Variants in PCDHA9 observed in about 807,000 individuals in gnomAD.
PCDHA9 encodes the protein protocadherin alpha 9.
Under a neutral mutation model 62.0 loss-of-function variants are expected in PCDHA9, and 62 were observed. The ratio of observed to expected loss-of-function variants is 1.00; its 90% CI spans 0.81 to 1.23. The LOEUF is 1.23. Ranked by LOEUF, PCDHA9 falls within the 50% of genes most tolerant of loss-of-function variation. The probability of loss-of-function intolerance (pLI) is 0.00; values close to 1 mark genes in which losing one functional copy is unlikely to be tolerated. For missense variants in PCDHA9, 1,205 were observed against 1,249.8 expected, an observed-to-expected ratio of 0.96 and a Z score of 0.54; for synonymous variants, 557 against 567.6, an observed-to-expected ratio of 0.98 and a Z score of 0.27.
At chr5:140,992,416 C>T (rs3776107) in intron 3 of PCDHA9, among the ~76,000 whole-genome samples, 9,821 of 152,168 alleles carry the variant, frequency 0.065, 355 homozygotes, top group East Asian at 0.12. Context: ...TGCCCCAGGT[C>T]TAAGAATATT....
intron 1 of PCDHA9, among the ~76,000 whole-genome samples, chr5:140,891,246 AT>A (rs1213637493): frequency 2.0e-5 from 3 of 151,650 alleles, no homozygotes; most frequent in Non-Finnish European, 4.4e-5. Flanking sequence ...ATTCAGTAGG[AT>A]TTTTTTTAAT....
chr5:140,885,945 TA>T (rs2060787135), intron 1 of PCDHA9, among the ~76,000 whole-genome samples: 1 of 152,206 alleles, frequency 6.6e-6, no homozygotes, highest in Non-Finnish European at 1.5e-5. Flanking sequence ...TTGACATTTT[TA>T]ATTAAAATTT....
chr5:140,882,558 G>T (rs782792864), intron 1 of PCDHA9: 16 of 1,614,130 alleles, frequency 9.9e-6, no homozygotes, highest in Non-Finnish European at 1.1e-5. Flanking sequence ...GAGCTGTGTG[G>T]GCGGAGCGCG....
At chr5:140,870,491 T>C (rs781889223) in intron 1 of PCDHA9, 10 of 1,614,076 alleles carry the variant, frequency 6.2e-6, no homozygotes, top group Non-Finnish European at 8.5e-6. Context: ...ACCGTGTTCG[T>C]GAAGGAGAAC....
intron 1 of PCDHA9, chr5:140,882,120 CT>C (rs2058961361): frequency 6.9e-7 from 1 of 1,449,002 alleles, no homozygotes; most frequent in East Asian, 2.3e-5. Flanking sequence ...GCCGCCGTTT[CT>C]TTCTTCCTGC....
Position 140,882,752 on chromosome 5 carries a change from A to G in PCDHA9, c.2394+31863A>G, listed in dbSNP as rs1457424583. 4 of 1,614,130 alleles carry G rather than the reference A, an allele frequency of 2.5e-6. No individual in the cohort carries two copies. In the East Asian group the frequency reaches 8.9e-5, roughly 36 times the overall value. On this transcript the variant is annotated intron_variant, in intron 1 of 3. Coordinates refer to ENST00000532602, the MANE Select transcript of PCDHA9 (RefSeq NM_031857.2). Reference sequence around the variant, plus strand: ...ACTAGATGGCGCATCCGATGCAGATATTGGAGTAAACTCGGCATTGACCTA... The same window carrying G: ...ACTAGATGGCGCATCCGATGCAGATGTTGGAGTAAACTCGGCATTGACCTA...
chr5:140,922,560 G>A (rs2080886484), intron 1 of PCDHA9, among the ~76,000 whole-genome samples: 4 of 152,146 alleles, frequency 2.6e-5, no homozygotes, highest in Admixed American at 2.6e-4. Flanking sequence ...GAAAAGTCAG[G>A]ATGACAAGTT....
In PCDHA9 at chr5:140,856,941, C is replaced by A. The variant is rs782304851; in HGVS notation, c.2394+6052C>A. The A allele has an allele frequency of 2.5e-6, 4 of 1,592,588 alleles. No homozygotes were observed. The South Asian group carries it at 3.3e-5, about 13-fold the overall frequency. On this transcript the variant is annotated intron_variant, in intron 1 of 3. Coordinates refer to ENST00000532602, the MANE Select transcript of PCDHA9 (RefSeq NM_031857.2). The stretch of plus-strand genomic sequence containing the variant: ...AGGAAATTTTGGATAAACGAAAGGA[C>A]GGGAGAAATAAAAGTAAATGATGCT...
chr5:140,936,054 G>A (rs1198755229), intron 1 of PCDHA9, among the ~76,000 whole-genome samples: 2 of 151,770 alleles, frequency 1.3e-5, no homozygotes, highest in Non-Finnish European at 1.5e-5. Flanking sequence ...CACCACACCC[G>A]GCTAATTTTT....
intron 1 of PCDHA9, among the ~76,000 whole-genome samples, chr5:140,924,902 AAAAT>A (rs1239542905): frequency 0.13 from 4,984 of 38,732 alleles, 244 homozygotes; most frequent in African/African-American, 0.34. Flanking sequence ...CTCAAAAAAA[AAAAT>A]AAAATAAAAT....
At chr5:140,943,500 G>C (rs907493905) in intron 1 of PCDHA9, among the ~76,000 whole-genome samples, 1 of 152,048 alleles carries the variant, frequency 6.6e-6, no homozygotes, top group Admixed American at 6.6e-5. Context: ...TGCTATCAAG[G>C]TTCATGGAAA....
intron 3 of PCDHA9, among the ~76,000 whole-genome samples, chr5:141,006,214 TTA>T (rs2098261511): frequency 6.6e-6 from 1 of 152,046 alleles, no homozygotes; most frequent in South Asian, 2.1e-4. Flanking sequence ...TCATTTTTTT[TTA>T]AATTTTTTAT....
At chr5:140,963,397 G>A (rs1190925238) in intron 1 of PCDHA9, among the ~76,000 whole-genome samples, 1 of 152,160 alleles carries the variant, frequency 6.6e-6, no homozygotes, top group Admixed American at 6.5e-5. Context: ...GCTCCCTACT[G>A]GATGCTGTAG....
chr5:140,882,813 C>T lies in PCDHA9; in HGVS notation c.2394+31924C>T, dbSNP rs782169035. On this transcript the variant is annotated intron_variant, in intron 1 of 3. Transcript: ENST00000532602. ...CCCAACGATTATTTCACTTTGGACG[C>T]ACAAAACAGTCTTGAGCAAATGTCT... 4 of 1,614,176 alleles carry T rather than the reference C, an allele frequency of 2.5e-6. No individual in the cohort carries two copies. The East Asian group carries it at 6.7e-5, about 27-fold the overall frequency.
intron 1 of PCDHA9, among the ~76,000 whole-genome samples, chr5:140,943,705 C>T (rs528361276): frequency 1.6e-4 from 25 of 152,150 alleles, no homozygotes; most frequent in Middle Eastern, 3.4e-3. Context: ...TATTGTGGAA[C>T]ACATTTAAAG....
chr5:140,888,288 C>G (rs1328691042), intron 1 of PCDHA9, among the ~76,000 whole-genome samples: 1 of 152,108 alleles, frequency 6.6e-6, no homozygotes, highest in African/African-American at 2.4e-5. Context: ...CCCTCTACCC[C>G]CTACCCAGGA....
At position 140,850,378 on chromosome 5, in the gene PCDHA9, C is replaced by T. The variant is rs1365314674; in HGVS notation, c.1883C>T (p.Thr628Met). Residue 628 changes from threonine to methionine, a missense_variant, in exon 1 of 4, where the codon ACG (threonine) becomes ATG (methionine). By Grantham distance (81) the Thr-to-Met change is moderately conservative. Coordinates refer to ENST00000532602, the MANE Select transcript of PCDHA9 (RefSeq NM_031857.2). ...ATCCCGTTCCGCGTGGGGCTGTACA[C>T]GGGCGAGATCAGCACAACGCGTGCC... ...ASIPFRVGLY[T>M]GEISTTRALD... is the part of the protein sequence containing the mutation. 6 of 1,597,842 alleles carry T rather than the reference C, an allele frequency of 3.8e-6. 1 individual carries two copies. Among genetic ancestry groups the T allele is most frequent in the Non-Finnish European group, 5.1e-6 (6 of 1,167,692 alleles).
intron 1 of PCDHA9, chr5:140,883,816 G>A (rs1217152310): frequency 1.9e-6 from 3 of 1,612,522 alleles, no homozygotes; most frequent in Non-Finnish European, 2.5e-6. Context: ...AGAGCGGCAA[G>A]GTGTACGCGC....
In PCDHA9 at chr5:140,920,604, G is replaced by A. The variant is rs182788075; in HGVS notation, c.2395-58345G>A. 4.8e-4 allele frequency among the ~76,000 whole-genome samples: 73 copies of A among 152,238 alleles called. No homozygotes were observed. In the East Asian group the frequency reaches 0.011, roughly 22 times the overall value. On this transcript the variant is annotated intron_variant, in intron 1 of 3. Transcript: ENST00000532602. ...CTCACGCCTGTAATCCCAGCACTTT[G>A]GGAGGCCGAGGCGGATGGATCACAA...
Sources: allele counts gnomAD v4.1 joint callset (sites outside exome capture counted in the v4.1 genomes callset), GRCh38; gene constraint gnomAD v4.1.1; transcripts MANE v1.5; gene names NCBI Gene and HGNC (gene_info 2026-07-23, HGNC 2026-07-21).